Variants in DNAH11 observed in about 807,000 individuals in gnomAD.
The protein encoded by DNAH11 is axonemal beta dynein heavy chain 11.
DNAH11 carries 442 observed loss-of-function variants against 526.0 expected under a neutral mutation model. The observed-to-expected ratio is 0.84, with a 90% CI of 0.78 to 0.91. The LOEUF is 0.91. DNAH11 is among the 40% of genes least tolerant of loss of function. The pLI, the probability that DNAH11 is intolerant of heterozygous loss-of-function variation, is 0.00. For synonymous variants in DNAH11, 2,461 were observed against 1,935.9 expected (o/e 1.27, Z -7.12); for missense variants, 6,989 against 5,448.7 (o/e 1.28, Z -8.90).
At chr7:21,620,785 A>G (rs566234144) in intron 25 of DNAH11, among the ~76,000 whole-genome samples, 13 of 136,028 alleles carry the variant, frequency 9.6e-5, no homozygotes, top group Non-Finnish European at 1.5e-4. Context: ...TCATTGTTCA[A>G]TTCCCACCTA....
chr7:21,779,238 C>A, intron 57 of DNAH11, 134 bp downstream of exon 57: 1 of 1,073,794 alleles, frequency 9.3e-7, no homozygotes, highest in Non-Finnish European at 1.3e-6. Flanking sequence ...ACACATGTAA[C>A]AGCATTTCAC....
intron 45 of DNAH11, among the ~76,000 whole-genome samples, 198 bp downstream of exon 45, chr7:21,726,182 TC>T (rs1354924983): frequency 1.3e-5 from 2 of 152,224 alleles, no homozygotes; most frequent in East Asian, 3.9e-4. Flanking sequence ...AGCGGACACT[TC>T]ACTTGGCCAA....
At position 21,545,112 on chromosome 7, in the gene DNAH11, C is replaced by A. The variant is rs1583469217; in HGVS notation, c.458C>A (p.Ala153Glu). The part of the protein sequence containing the change: ...SQVVLFGELP[A>E]LSLGHVSAFL... ...GTGGTTTTATTTGGAGAGTTACCTG[C>A]GTTGTCTCTTGGACATGTATCTGCT... Residue 153 changes from alanine to glutamate, a missense_variant, in exon 2 of 82, where the codon GCG becomes GAG. By Grantham distance (107) the Ala-to-Glu change is moderately radical. Coordinates refer to ENST00000409508, the MANE Select transcript of DNAH11 (RefSeq NM_001277115.2). 1.2e-6 allele frequency: 2 copies of A among 1,610,454 alleles called. No homozygotes were observed. Among genetic ancestry groups the A allele is most frequent in the Admixed American group, 1.7e-5 (1 of 59,666 alleles).
rs377375304 is a variant in DNAH11, at chr7:21,788,085, G to GAGAT, written c.9924+507_9924+510dup. Among the ~76,000 whole-genome samples the GAGAT allele has an allele frequency of 3.6e-4, 55 of 152,270 alleles. 1 individual carries two copies. Among genetic ancestry groups the GAGAT allele is most frequent in the African/African-American group, 1.2e-3 (49 of 41,560 alleles). On this transcript the variant is annotated intron_variant, in intron 60 of 81. Coordinates refer to ENST00000409508, the MANE Select transcript of DNAH11 (RefSeq NM_001277115.2). ...AAAATTTGTACTTTTCGGCAGTGTAGAGATAGATTATACTTTCATGTAGTC... is the reference window on the plus strand; with the variant it reads ...AAAATTTGTACTTTTCGGCAGTGTAGAGATAGATAGATTATACTTTCATGTAGTC...
At chr7:21,629,382 G>GT (rs1786494779) in intron 25 of DNAH11, among the ~76,000 whole-genome samples, 1 of 152,154 alleles carries the variant, frequency 6.6e-6, no homozygotes, top group Non-Finnish European at 1.5e-5. Context: ...TTCTGCAGTA[G>GT]TTGGGTAAAA....
At chr7:21,888,090 C>T (rs1784193980) in intron 76 of DNAH11, among the ~76,000 whole-genome samples, 1 of 152,166 alleles carries the variant, frequency 6.6e-6, no homozygotes, top group South Asian at 2.1e-4. Flanking sequence ...TGCTGTCTGG[C>T]TTTGTGCATG....
In DNAH11 at chr7:21,832,056, C is replaced by T. The variant is rs560250869; in HGVS notation, c.10692-10488C>T. On this transcript the variant is annotated intron_variant, in intron 65 of 81. Transcript: ENST00000409508. ...AGTGTGCTGAGGTTGCACCACTGCA[C>T]TGCAGCCTGGGTGACAGAGTGAGAC... Among the ~76,000 whole-genome samples, 3 of 151,932 alleles carry T rather than the reference C, an allele frequency of 2.0e-5. No individual in the cohort carries two copies. In the South Asian group the frequency reaches 6.2e-4, roughly 32 times the overall value.
At chr7:21,573,499 C>T (rs1274975854) in intron 8 of DNAH11, among the ~76,000 whole-genome samples, 2 of 152,060 alleles carry the variant, frequency 1.3e-5, no homozygotes, top group African/African-American at 4.8e-5. Flanking sequence ...TTGAAAATGA[C>T]CATTACTTTT....
Position 21,543,561 on chromosome 7 carries a change from T to C in DNAH11, c.316T>C (p.Phe106Leu), listed in dbSNP as rs779462489. ...CAGCCCGGCTTGCCTTGTGTTTAGC[T>C]TCGCCGCCTCGGGGCGCCTTGCGGC... Reference protein sequence around the residue: ...STSPACLVFSFAASGRLAASQ... With the variant: ...STSPACLVFSLAASGRLAASQ... Residue 106 changes from phenylalanine to leucine, a missense_variant, in exon 1 of 82, where the codon TTC becomes CTC. Phe to Leu is a conservative substitution (Grantham distance 22). Coordinates refer to ENST00000409508, the MANE Select transcript of DNAH11 (RefSeq NM_001277115.2). The C allele has an allele frequency of 1.9e-5, 30 of 1,605,528 alleles. No homozygotes were observed. The highest frequency in any genetic ancestry group is 1.7e-6 in the Non-Finnish European group (2 of 1,176,028).
At chr7:21,552,821 A>G (rs79151888) in intron 2 of DNAH11, among the ~76,000 whole-genome samples, 23,991 of 152,094 alleles carry the variant, frequency 0.16, 2,400 homozygotes, top group East Asian at 0.27. Flanking sequence ...TAGATCCACC[A>G]CACTGAACCA....
At chr7:21,785,526 G>A (rs1219774988) in intron 58 of DNAH11, among the ~76,000 whole-genome samples, 4 of 152,050 alleles carry the variant, frequency 2.6e-5, no homozygotes, top group Non-Finnish European at 5.9e-5. Flanking sequence ...TAATTCTTTT[G>A]GTAAGAATAT....
intron 32 of DNAH11, 115 bp from the exon 33 acceptor site, chr7:21,686,984 T>C: frequency 1.1e-6 from 1 of 913,004 alleles, no homozygotes; most frequent in Non-Finnish European, 1.5e-6. Context: ...TATCAGTATT[T>C]TATGCTACTA....
intron 2 of DNAH11, among the ~76,000 whole-genome samples, chr7:21,551,356 C>T (rs981081752): frequency 1.1e-4 from 16 of 152,208 alleles, no homozygotes; most frequent in Admixed American, 2.6e-4. Context: ...TGACCATTTA[C>T]ATGAGCTATG....
intron 28 of DNAH11, among the ~76,000 whole-genome samples, chr7:21,646,076 ACT>A (rs1438324437): frequency 1.3e-5 from 2 of 152,204 alleles, no homozygotes; most frequent in Non-Finnish European, 2.9e-5. Context: ...TATATAAAGA[ACT>A]CCAACAAAAA....
In DNAH11 at chr7:21,862,613, C is replaced by T. The variant is rs116504606; in HGVS notation, c.11373+590C>T. Among the ~76,000 whole-genome samples the T allele has an allele frequency of 3.6e-3, 553 of 152,242 alleles. 2 individuals are homozygous for T. Among genetic ancestry groups the T allele is most frequent in the African/African-American group, 0.013 (521 of 41,524 alleles). ...ACAATATAAACATGTATCGAAGCAT[C>T]ACAGTGTGCCACTTAAATATATATA... On this transcript the variant is annotated intron_variant, in intron 69 of 81. Coordinates refer to ENST00000409508, the MANE Select transcript of DNAH11 (RefSeq NM_001277115.2).
intron 30 of DNAH11, among the ~76,000 whole-genome samples, chr7:21,660,189 T>A (rs17748415): frequency 0.065 from 9,832 of 152,142 alleles, 453 homozygotes; most frequent in Non-Finnish European, 0.1. Context: ...GATAATTAAA[T>A]GCAATTCTGC....
At chr7:21,648,484 C>G (rs983432209) in intron 28 of DNAH11, among the ~76,000 whole-genome samples, 2 of 152,150 alleles carry the variant, frequency 1.3e-5, no homozygotes, top group African/African-American at 4.8e-5. Context: ...TGGGTCAACC[C>G]TAGCCTGCTG....
intron 54 of DNAH11, among the ~76,000 whole-genome samples, chr7:21,751,263 G>A (rs1406484181): frequency 6.6e-6 from 1 of 152,196 alleles, no homozygotes; most frequent in African/African-American, 2.4e-5. Context: ...GGCAGAGGTT[G>A]CAGTGAGCCA....
chr7:21,584,691 C>T (rs913977432), intron 9 of DNAH11, among the ~76,000 whole-genome samples: 1 of 152,062 alleles, frequency 6.6e-6, no homozygotes, highest in Non-Finnish European at 1.5e-5. Flanking sequence ...GACCTGTAAT[C>T]TCATCTCTCA....
Sources: gnomAD v4.1 joint callset for allele counts (sites outside exome capture counted in the v4.1 genomes callset) on GRCh38, gnomAD v4.1.1 for gene constraint, MANE v1.5 for transcripts, NCBI Gene and HGNC (gene_info 2026-07-23, HGNC 2026-07-21) for gene names.